Variants in MIPOL1 observed in about 807,000 individuals in gnomAD.
The protein encoded by MIPOL1 is mirror-image polydactyly gene 1 protein.
A neutral mutation model predicts 60.9 loss-of-function variants in MIPOL1; 57 were observed. That is an observed-to-expected ratio of 0.94 (90% CI 0.76 to 1.17). MIPOL1 has a LOEUF of 1.17. Among genes scored for constraint, MIPOL1 ranks in the 50% most tolerant of loss-of-function variants. MIPOL1 has a pLI of 0.00. For synonymous variants in MIPOL1, 179 were observed against 168.8 expected (o/e 1.06, Z -0.47); for missense variants, 551 against 511.6 (o/e 1.08, Z -0.74).
intron 9 of MIPOL1, among the ~76,000 whole-genome samples, chr14:37,351,669 G>A (rs1288763464): frequency 7.2e-5 from 10 of 139,448 alleles, no homozygotes; most frequent in Non-Finnish European, 3.1e-5. Flanking sequence ...GTGATGATGA[G>A]CATTTTTTCA....
chr14:37,270,691 C>T (rs1789846755), intron 6 of MIPOL1, among the ~76,000 whole-genome samples, 166 bp downstream of exon 6: 2 of 128,654 alleles, frequency 1.6e-5, no homozygotes, highest in South Asian at 2.5e-4. Flanking sequence ...GCTTTAACAT[C>T]CTGGTACTGG....
chr14:37,451,096 C>A (rs2094410492), intron 11 of MIPOL1, among the ~76,000 whole-genome samples: 1 of 152,038 alleles, frequency 6.6e-6, no homozygotes, highest in African/African-American at 2.4e-5. Flanking sequence ...TCAAATTATT[C>A]TAAAAATTTA....
intron 1 of MIPOL1, among the ~76,000 whole-genome samples, chr14:37,215,567 TAAA>T (rs1446980422): frequency 6.6e-6 from 1 of 151,826 alleles, no homozygotes; most frequent in Non-Finnish European, 1.5e-5. Context: ...AGGATGGAAA[TAAA>T]GAAGGAAGAG....
intron 12 of MIPOL1, among the ~76,000 whole-genome samples, chr14:37,530,855 T>C (rs2095474652): frequency 6.6e-6 from 1 of 151,930 alleles, no homozygotes; most frequent in Non-Finnish European, 1.5e-5. Context: ...TCTCACTCTG[T>C]CACCTAGGCT....
At chr14:37,452,630 T>C (rs147880387) in intron 11 of MIPOL1, among the ~76,000 whole-genome samples, 1 of 152,208 alleles carries the variant, frequency 6.6e-6, no homozygotes, top group Admixed American at 6.5e-5. Flanking sequence ...TGAAAACTGT[T>C]CTCATAGTTG....
intron 11 of MIPOL1, among the ~76,000 whole-genome samples, chr14:37,442,870 G>C (rs2094272557): frequency 6.6e-6 from 1 of 152,012 alleles, no homozygotes; most frequent in Non-Finnish European, 1.5e-5. Flanking sequence ...CTGTGTTCAT[G>C]GATCAGAAGA....
At chr14:37,218,645 A>G (rs1395562530) in intron 1 of MIPOL1, among the ~76,000 whole-genome samples, 1 of 152,150 alleles carries the variant, frequency 6.6e-6, no homozygotes, top group African/African-American at 2.4e-5. Context: ...AATGTTTAAG[A>G]AAAACAGAGG....
rs1426499021 is a variant in MIPOL1 at position 37,549,448 on chromosome 14, T to C, written c.*2477T>C. The C allele has an allele frequency of 1.3e-5, 2 of 151,790 alleles. No individual in the cohort carries two copies. The highest frequency in any genetic ancestry group is 3.9e-4 in the East Asian group (2 of 5,188). 9.4% of individuals were successfully genotyped at this position (151,790 alleles called of 1,614,324 possible). On this transcript the variant is annotated 3_prime_UTR_variant, in exon 13 of 13. Coordinates refer to ENST00000684589, the MANE Select transcript of MIPOL1 (RefSeq NM_001388067.1). ...GGTGATGATAATTTTAGTATTACTG[T>C]CATTATAATTATTATTATATTCATT...
At chr14:37,514,913 C>T (rs1253864227) in intron 12 of MIPOL1, among the ~76,000 whole-genome samples, 1 of 152,106 alleles carries the variant, frequency 6.6e-6, no homozygotes, top group East Asian at 1.9e-4. Flanking sequence ...AGCTTTTATT[C>T]CCAAAATATA....
chr14:37,320,549 C>T lies in MIPOL1; in HGVS notation c.828+12030C>T, dbSNP rs531286449. On this transcript the variant is annotated intron_variant, in intron 9 of 12. Coordinates refer to ENST00000684589, the MANE Select transcript of MIPOL1 (RefSeq NM_001388067.1). ...TTATATATATTTATACAGTCTGTGG[C>T]TTGCATTTTTATTCTCTTAATGCTG... Among the ~76,000 whole-genome samples the T allele has an allele frequency of 4.4e-4, 67 of 151,980 alleles. 2 individuals are homozygous for T. Among genetic ancestry groups the T allele is most frequent in the African/African-American group, 1.6e-3 (67 of 41,516 alleles).
At position 37,395,792 on chromosome 14, in the gene MIPOL1, A is replaced by G. The variant is rs190815518; in HGVS notation, c.936+26168A>G. On this transcript the variant is annotated intron_variant, in intron 10 of 12. Transcript: ENST00000684589. ...TGCTCTGGCTAGGACTTCCAGTACTATGCTGAAGAAGAGTGGTGAGAATGG... is the reference window on the plus strand; with the variant it reads ...TGCTCTGGCTAGGACTTCCAGTACTGTGCTGAAGAAGAGTGGTGAGAATGG... Among the ~76,000 whole-genome samples, 24 of 152,256 alleles carry G rather than the reference A, an allele frequency of 1.6e-4. No individual in the cohort carries two copies. In the East Asian group the frequency reaches 3.7e-3, roughly 23 times the overall value.
At position 37,447,098 on chromosome 14, in the gene MIPOL1, TAAAA is replaced by T. The variant is rs1594374018; in HGVS notation, c.1031+24153_1031+24156del. On this transcript the variant is annotated intron_variant, in intron 11 of 12. Transcript: ENST00000684589. ...ATAATAATAAAATAAAATAAAATAATAAAAAAAGAGAATCCTGCACATATATGGT... is the reference window on the plus strand; with the variant it reads ...ATAATAATAAAATAAAATAAAATAATAAAGAGAATCCTGCACATATATGGT... Among the ~76,000 whole-genome samples the T allele has an allele frequency of 4.0e-5, 6 of 151,384 alleles. No homozygotes were observed. The East Asian group carries it at 5.8e-4, about 15-fold the overall frequency.
At chr14:37,545,899 G>C (rs150491486) in intron 12 of MIPOL1, 1 of 343,072 alleles carries the variant, frequency 2.9e-6, no homozygotes, top group African/African-American at 2.1e-5. Flanking sequence ...AGACTGTGCC[G>C]CTTACCGTAA....
chr14:37,335,582 T>C (rs1390290498), intron 9 of MIPOL1, among the ~76,000 whole-genome samples: 1 of 152,242 alleles, frequency 6.6e-6, no homozygotes, highest in Non-Finnish European at 1.5e-5. Context: ...GAAGTGTATA[T>C]CAGAATTTCC....
Position 37,500,123 on chromosome 14 carries a change from A to G in MIPOL1, c.1247A>G (p.Asn416Ser), listed in dbSNP as rs1194018613. Residue 416 changes from asparagine to serine, a missense_variant, in exon 12 of 13, where the codon AAT (asparagine) becomes AGT (serine). By Grantham distance (46) the Asn-to-Ser change is conservative (BLOSUM62 1). Transcript: ENST00000684589. ...GCCAGAGAGGCCTCCCAAGTGGCCA[A>G]TGAAAAAGTTCAAAAGTAAGTTAAA... is the stretch of plus-strand genomic sequence containing the variant. ...QHAREASQVA[N>S]EKVQKLERLV... 5.0e-6 allele frequency: 8 copies of G among 1,604,462 alleles called. No individual in the cohort carries two copies. Among genetic ancestry groups the G allele is most frequent in the Middle Eastern group, 1.7e-4 (1 of 6,012 alleles).
intron 12 of MIPOL1, among the ~76,000 whole-genome samples, chr14:37,508,660 G>A (rs2095301239): frequency 6.6e-6 from 1 of 152,060 alleles, no homozygotes; most frequent in South Asian, 2.1e-4. Context: ...ATGATAATTT[G>A]ATGAGCTAAT....
intron 11 of MIPOL1, among the ~76,000 whole-genome samples, chr14:37,428,799 GTT>G (rs1288170474): frequency 6.6e-6 from 1 of 151,606 alleles, no homozygotes; most frequent in Non-Finnish European, 1.5e-5. Flanking sequence ...TTTCCTTTGA[GTT>G]TTAGAATATT....
At chr14:37,390,414 C>T (rs1453040982) in intron 10 of MIPOL1, among the ~76,000 whole-genome samples, 3 of 151,752 alleles carry the variant, frequency 2.0e-5, no homozygotes, top group Non-Finnish European at 4.4e-5. Flanking sequence ...TTACTAGATA[C>T]ACAAGAAGAT....
chr14:37,416,714 C>G (rs2093776622), intron 10 of MIPOL1, among the ~76,000 whole-genome samples: 1 of 152,108 alleles, frequency 6.6e-6, no homozygotes, highest in African/African-American at 2.4e-5. Flanking sequence ...TCCTAGTTAC[C>G]TTGGTCAACA....
Sources: allele counts gnomAD v4.1 joint callset (sites outside exome capture counted in the v4.1 genomes callset), GRCh38; gene constraint gnomAD v4.1.1; transcripts MANE v1.5; gene names NCBI Gene and HGNC (gene_info 2026-07-23, HGNC 2026-07-21).